TNKS: variants seen among roughly 807,000 people sequenced by gnomAD.
TNKS encodes the protein poly [ADP-ribose] polymerase tankyrase-1.
TNKS carries 72 observed loss-of-function variants against 135.8 expected under a neutral mutation model. The ratio of observed to expected loss-of-function variants is 0.53; its 90% CI spans 0.44 to 0.64. The LOEUF is 0.64. TNKS is among the 30% of genes least tolerant of loss of function. The pLI, the probability that TNKS is intolerant of heterozygous loss-of-function variation, is 0.00. For missense variants in TNKS, 1,769 were observed against 1,674.0 expected (o/e 1.06, Z -0.99); for synonymous variants, 849 against 649.3 (o/e 1.31, Z -4.68).
At position 9,727,428 on chromosome 8, in the gene TNKS, G is replaced by A. The variant is rs143814607; in HGVS notation, c.2001+708G>A. 2.0e-5 allele frequency among the ~76,000 whole-genome samples: 3 copies of A among 152,106 alleles called. No individual in the cohort carries two copies. The East Asian group carries it at 5.8e-4, about 29-fold the overall frequency. On this transcript the variant is annotated intron_variant, in intron 13 of 26. Transcript: ENST00000310430. ...TTTTGTTTGGAGATTGGTCTTTTGG[G>A]GTTTGTTTTTTGTTGTTTTTTACGA...
chr8:9,626,681 G>A (rs1414316661), intron 3 of TNKS, among the ~76,000 whole-genome samples: 1 of 152,104 alleles, frequency 6.6e-6, no homozygotes, highest in Non-Finnish European at 1.5e-5. Flanking sequence ...GGTTGGGGAA[G>A]GACACTGCCA....
At chr8:9,621,769 A>G (rs1034704450) in intron 3 of TNKS, among the ~76,000 whole-genome samples, 2 of 152,166 alleles carry the variant, frequency 1.3e-5, no homozygotes, top group Non-Finnish European at 2.9e-5. Flanking sequence ...TAGAAAGTCT[A>G]ATTATACAGA....
chr8:9,640,029 A>G lies in TNKS; in HGVS notation c.994+24352A>G, dbSNP rs145898407. On this transcript the variant is annotated intron_variant, in intron 3 of 26. Coordinates refer to ENST00000310430, the MANE Select transcript of TNKS (RefSeq NM_003747.3). ...CTTTTCCACTATGTGTGAACTCTTT[A>G]GCTAAAAAGTGCCTATACAGGGAAT... Among the ~76,000 whole-genome samples the G allele has an allele frequency of 3.9e-5, 6 of 152,272 alleles. No homozygotes were observed. The East Asian group carries it at 7.7e-4, about 20-fold the overall frequency.
intron 3 of TNKS, among the ~76,000 whole-genome samples, chr8:9,617,690 T>A (rs754201532): frequency 1.1e-4 from 16 of 152,136 alleles, no homozygotes; most frequent in African/African-American, 7.2e-5. Flanking sequence ...AGATTAAACA[T>A]TAATTTTTTT....
At chr8:9,693,371 C>G (rs1234395153) in intron 5 of TNKS, among the ~76,000 whole-genome samples, 1 of 152,080 alleles carries the variant, frequency 6.6e-6, no homozygotes, top group Non-Finnish European at 1.5e-5. Flanking sequence ...AAAACAAATA[C>G]ATGTTCATAT....
chr8:9,558,294 A>C (rs1031351408), intron 1 of TNKS: 1 of 152,202 alleles, frequency 6.6e-6, no homozygotes, highest in Admixed American at 6.5e-5. Flanking sequence ...TTCATTATTG[A>C]TATACAGACA....
At chr8:9,578,086 A>G (rs953506602) in intron 1 of TNKS, among the ~76,000 whole-genome samples, 4 of 152,092 alleles carry the variant, frequency 2.6e-5, no homozygotes, top group African/African-American at 9.7e-5. Flanking sequence ...ACACCAACAC[A>G]AGGGGTGGGC....
In TNKS at chr8:9,733,367, G is replaced by T; in HGVS notation, c.2236G>T (p.Ala746Ser). 1.9e-6 allele frequency: 3 copies of T among 1,613,138 alleles called. No individual in the cohort carries two copies. Among genetic ancestry groups the T allele is most frequent in the South Asian group, 1.1e-5 (1 of 90,894 alleles). The part of the protein sequence containing the change: ...LVRHGASVNV[A>S]DLWKFTPLHE... ...AAGGCATGGGGCTTCTGTCAATGTG[G>T]CGGACTTATGGAAATTTACCCCTCT... Residue 746 changes from alanine to serine, a missense_variant, in exon 15 of 27, where the codon GCG (alanine) becomes TCG (serine). Ala to Ser is a moderately conservative substitution (Grantham distance 99). Transcript: ENST00000310430.
At chr8:9,618,684 C>G (rs1266370060) in intron 3 of TNKS, among the ~76,000 whole-genome samples, 1 of 152,078 alleles carries the variant, frequency 6.6e-6, no homozygotes, top group East Asian at 1.9e-4. Flanking sequence ...AAGTAACATA[C>G]TTTTGGCCTT....
intron 3 of TNKS, among the ~76,000 whole-genome samples, chr8:9,639,325 A>G (rs933345462): frequency 1.3e-5 from 2 of 152,168 alleles, no homozygotes; most frequent in Non-Finnish European, 2.9e-5. Flanking sequence ...TTGTTTAAAC[A>G]TAAGGAGAGT....
intron 3 of TNKS, 38 bp from the exon 4 acceptor site, chr8:9,679,913 G>A (rs780473491): frequency 6.3e-7 from 1 of 1,575,030 alleles, no homozygotes; most frequent in Admixed American, 1.7e-5. Flanking sequence ...TCTGTCTTCT[G>A]CCAAATGCTA....
intron 3 of TNKS, among the ~76,000 whole-genome samples, chr8:9,617,813 G>A (rs1799700043): frequency 6.6e-6 from 1 of 152,106 alleles, no homozygotes; most frequent in Non-Finnish European, 1.5e-5. Context: ...CTTACCTTGA[G>A]AGTGAAATTT....
chr8:9,594,174 A>G lies in TNKS; in HGVS notation c.898+13791A>G. ...AGTGCTAGGATTACAGGCATGAGCC[A>G]CTGCGCCCGGCTATCTCCTGTTATT... On this transcript the variant is annotated intron_variant, in intron 2 of 26. Transcript: ENST00000310430. Among the ~76,000 whole-genome samples, 2 of 152,230 alleles carry G rather than the reference A, an allele frequency of 1.3e-5. 1 individual carries two copies. The highest frequency in any genetic ancestry group is 1.3e-4 in the Admixed American group (2 of 15,284).
chr8:9,701,298 T>G (rs1803791657), intron 5 of TNKS, among the ~76,000 whole-genome samples: 1 of 152,210 alleles, frequency 6.6e-6, no homozygotes. Context: ...CTTTTGTTCA[T>G]TTTCAGGAAT....
In TNKS at chr8:9,637,614, A is replaced by G. The variant is rs114575742; in HGVS notation, c.994+21937A>G. Among the ~76,000 whole-genome samples, 938 of 152,300 alleles carry G rather than the reference A, an allele frequency of 6.2e-3. 9 individuals are homozygous for G. The highest frequency in any genetic ancestry group is 0.022 in the African/African-American group (907 of 41,560). On this transcript the variant is annotated intron_variant, in intron 3 of 26. Transcript: ENST00000310430. ...ATGCCAGTGGCAATGACAGACAGCA[A>G]TGGGACAGTATCCTTTTCTCCAGGA...
chr8:9,566,761 A>T (rs1797560537), intron 1 of TNKS, among the ~76,000 whole-genome samples: 1 of 151,224 alleles, frequency 6.6e-6, no homozygotes, highest in African/African-American at 2.4e-5. Flanking sequence ...GGCGCCCGCC[A>T]CCGCGCCCGG....
At chr8:9,660,606 T>A (rs1348377825) in intron 3 of TNKS, among the ~76,000 whole-genome samples, 2 of 152,182 alleles carry the variant, frequency 1.3e-5, no homozygotes, top group Non-Finnish European at 2.9e-5. Flanking sequence ...AAGAGCTATC[T>A]ATGACAAACC....
In TNKS at chr8:9,679,263, G is replaced by A. The variant is rs367651053; in HGVS notation, c.995-688G>A. ...GTTAAAATTGGTATTGAATTTATAT[G>A]AAGTATTAAGATTACAGCATGTCAG... is the stretch of plus-strand genomic sequence containing the variant. On this transcript the variant is annotated intron_variant, in intron 3 of 26. Transcript: ENST00000310430. 4.6e-5 allele frequency among the ~76,000 whole-genome samples: 7 copies of A among 152,216 alleles called. 1 individual carries two copies. The highest frequency in any genetic ancestry group is 1.7e-4 in the African/African-American group (7 of 41,544).
chr8:9,668,217 A>G (rs995060796), intron 3 of TNKS, among the ~76,000 whole-genome samples: 20 of 152,336 alleles, frequency 1.3e-4, no homozygotes, highest in Non-Finnish European at 2.5e-4. Context: ...ATTGGTATGT[A>G]AGGGCTGTTT....
Sources: gnomAD v4.1 joint callset for allele counts (sites outside exome capture counted in the v4.1 genomes callset) on GRCh38, gnomAD v4.1.1 for gene constraint, MANE v1.5 for transcripts, NCBI Gene and HGNC (gene_info 2026-07-23, HGNC 2026-07-21) for gene names.